The following TM2D3 variants were observed in gnomAD, a reference collection of about 807,000 sequenced individuals.
TM2D3 encodes TM2 domain-containing protein 3.
Under a neutral mutation model 27.3 loss-of-function variants are expected in TM2D3, and 33 were observed. The observed-to-expected ratio is 1.21, with a 90% CI of 0.92 to 1.61. TM2D3 has a LOEUF of 1.61. TM2D3 is among the 40% of genes most tolerant of loss of function. The pLI, the probability that TM2D3 is intolerant of heterozygous loss-of-function variation, is 0.00. For synonymous variants in TM2D3, 138 were observed against 122.2 expected (o/e 1.13, Z -0.85); for missense variants, 364 against 320.8 (o/e 1.13, Z -1.03).
intron 4 of TM2D3, 81 bp downstream of exon 4, chr15:101,646,644 T>A: frequency 6.6e-7 from 1 of 1,515,194 alleles, no homozygotes; most frequent in Non-Finnish European, 9.1e-7. Flanking sequence ...GTAACTTGAC[T>A]CGCAAATTTC....
intron 4 of TM2D3, chr15:101,636,109 T>C (rs1411358454): frequency 6.6e-6 from 1 of 152,216 alleles, no homozygotes; most frequent in Non-Finnish European, 1.5e-5. Flanking sequence ...CATTCCTTTA[T>C]GTGATGAAAT....
At chr15:101,638,175 C>G (rs1433774876), downstream of TM2D3, among the ~76,000 whole-genome samples, 6 of 152,154 alleles carry the variant, frequency 3.9e-5, no homozygotes, top group Admixed American at 2.6e-4. Context: ...GTTCACGAGC[C>G]CTCTCTCACT....
At chr15:101,633,965 C>T in intron 4 of TM2D3, 3 of 389,312 alleles carry the variant, frequency 7.7e-6, no homozygotes, top group Non-Finnish European at 1.4e-5. Flanking sequence ...ATTACTAACA[C>T]TCTTAATACA....
chr15:101,649,310 T>C (rs752050348), intron 3 of TM2D3, among the ~76,000 whole-genome samples: 50 of 152,188 alleles, frequency 3.3e-4, no homozygotes, highest in Non-Finnish European at 5.9e-4. Flanking sequence ...TATGCTTTTT[T>C]TTTTAGGTCA....
chr15:101,650,382 T>C (rs1596268658), intron 2 of TM2D3: 1 of 415,422 alleles, frequency 2.4e-6, no homozygotes, highest in African/African-American at 2.0e-5. Flanking sequence ...CATTACTTCA[T>C]TCCTGCCTCC....
intron 5 of TM2D3, 83 bp downstream of exon 5, chr15:101,645,004 G>A (rs1185877204): frequency 2.5e-6 from 3 of 1,179,670 alleles, no homozygotes; most frequent in Non-Finnish European, 3.7e-6. Flanking sequence ...AAGAATGAAG[G>A]GGACTGAGCT....
chr15:101,649,077 T>C (rs765541367), intron 3 of TM2D3, among the ~76,000 whole-genome samples: 1 of 152,226 alleles, frequency 6.6e-6, no homozygotes, highest in African/African-American at 2.4e-5. Flanking sequence ...TAAAAATGTA[T>C]TAATTAAATA....
At chr15:101,650,238 A>G (rs898356297) in intron 2 of TM2D3, 77 bp from the exon 3 acceptor site, 15 of 1,444,652 alleles carry the variant, frequency 1.0e-5, no homozygotes, top group Non-Finnish European at 1.4e-5. Context: ...TAAGGTTAAG[A>G]GACGTGATCA....
At chr15:101,652,146 C>T (rs1897000912) in intron 1 of TM2D3, 125 bp downstream of exon 1, 5 of 933,100 alleles carry the variant, frequency 5.4e-6, no homozygotes, top group South Asian at 3.0e-5. Flanking sequence ...CGACAAGCGG[C>T]CCGGAGCCCG....
chr15:101,647,611 T>C (rs557593261), intron 3 of TM2D3, among the ~76,000 whole-genome samples: 34 of 152,362 alleles, frequency 2.2e-4, no homozygotes, highest in Admixed American at 6.5e-4. Context: ...TATTTTGTAT[T>C]CTGCTTACAA....
intron 4 of TM2D3, chr15:101,635,789 A>G (rs1174839911): frequency 1.3e-5 from 2 of 152,150 alleles, no homozygotes; most frequent in African/African-American, 4.8e-5. Context: ...AATACGCTTA[A>G]GTGTTCTATA....
intron 1 of TM2D3, 119 bp from the exon 2 acceptor site, chr15:101,651,892 C>G (rs577399694): frequency 4.9e-6 from 5 of 1,013,236 alleles, no homozygotes; most frequent in Middle Eastern, 2.1e-4. Flanking sequence ...GAAAACCTCA[C>G]GGCTGGTCAG....
chr15:101,645,926 T>C (rs1426339942), intron 4 of TM2D3: 3 of 152,090 alleles, frequency 2.0e-5, no homozygotes, highest in Non-Finnish European at 4.4e-5. Context: ...TAACCACTCT[T>C]GGAGAGAATA....
chr15:101,638,993 A>T (rs192736402), downstream of TM2D3, among the ~76,000 whole-genome samples: 21 of 152,356 alleles, frequency 1.4e-4, no homozygotes, highest in African/African-American at 4.8e-4. Context: ...GAGCTACAGC[A>T]GAGAACCAGA....
intron 4 of TM2D3, chr15:101,645,428 G>C: frequency 2.4e-6 from 1 of 423,494 alleles, no homozygotes; most frequent in South Asian, 2.8e-5. Context: ...ATATAAGACA[G>C]TGTAGTCTTG....
Position 101,650,109 on chromosome 15 carries a change from AC to A in TM2D3, c.221del (p.Cys74LeufsTer9). 1 of 1,614,186 alleles carries A rather than the reference AC, an allele frequency of 6.2e-7. No individual in the cohort carries two copies. Among genetic ancestry groups the A allele is most frequent in the Non-Finnish European group, 8.5e-7 (1 of 1,180,010 alleles). On this transcript the variant is annotated frameshift_variant, in exon 3 of 6. Coordinates refer to ENST00000333202, the MANE Select transcript of TM2D3 (RefSeq NM_078474.3). LOFTEE classifies it high-confidence loss of function. ...YVMKCPSNGL[C>X]SRLPADCIDC... ...CTATACAGTCTGCAGGAAGCCTGCTACACAAACCATTGCTCGGACACTTCAT... is the reference window on the plus strand; with the variant it reads ...CTATACAGTCTGCAGGAAGCCTGCTAACAAACCATTGCTCGGACACTTCAT...
intron 3 of TM2D3, among the ~76,000 whole-genome samples, chr15:101,647,338 G>C (rs901806602): frequency 6.6e-6 from 1 of 152,228 alleles, no homozygotes; most frequent in African/African-American, 2.4e-5. Flanking sequence ...CAAGTGAGGA[G>C]TGGAATCCAG....
chr15:101,644,942 A>G (rs1035946835), intron 5 of TM2D3, 145 bp downstream of exon 5: 2 of 750,256 alleles, frequency 2.7e-6, no homozygotes, highest in South Asian at 1.6e-5. Context: ...CTGATCATCT[A>G]AACTCTTCCA....
chr15:101,645,835 T>C (rs1596265096), intron 4 of TM2D3: 1 of 142,564 alleles, frequency 7.0e-6, no homozygotes, highest in Non-Finnish European at 1.6e-5. Context: ...AATCAAAATC[T>C]GGGAGAGGGT....
Sources: gnomAD v4.1 joint callset for allele counts (sites outside exome capture counted in the v4.1 genomes callset) on GRCh38, gnomAD v4.1.1 for gene constraint, MANE v1.5 for transcripts, NCBI Gene and HGNC (gene_info 2026-07-23, HGNC 2026-07-21) for gene names.